Variants in COL24A1 observed in about 807,000 individuals in gnomAD.
COL24A1 encodes the protein collagen alpha-1(XXIV) chain.
COL24A1 carries 224 observed loss-of-function variants against 253.9 expected under a neutral mutation model. That is an observed-to-expected ratio of 0.88 (90% CI 0.79 to 0.99). The LOEUF (loss-of-function observed/expected upper bound fraction) is 0.99, where lower values mean the gene tolerates loss of function less well. Among genes scored for constraint, COL24A1 ranks in the 50% least tolerant of loss-of-function variants. The pLI is 0.00. For missense variants in COL24A1, 2,131 were observed against 2,068.5 expected, an observed-to-expected ratio of 1.03 and a Z score of -0.59; for synonymous variants, 685 against 673.7, an observed-to-expected ratio of 1.02 and a Z score of -0.26.
At chr1:85,974,196 A>C (rs1692440262) in intron 20 of COL24A1, among the ~76,000 whole-genome samples, 1 of 152,164 alleles carries the variant, frequency 6.6e-6, no homozygotes, top group African/African-American at 2.4e-5. Context: ...ACAAGAACAG[A>C]GAAAACTTAA....
chr1:85,789,543 C>G (rs879246986), intron 47 of COL24A1, among the ~76,000 whole-genome samples: 3 of 151,372 alleles, frequency 2.0e-5, no homozygotes, highest in Non-Finnish European at 3.0e-5. Flanking sequence ...ATTTGAATAC[C>G]CTTTCTCTTG....
intron 43 of COL24A1, among the ~76,000 whole-genome samples, chr1:85,836,021 G>GA (rs1418045785): frequency 1.3e-5 from 2 of 152,114 alleles, no homozygotes; most frequent in Non-Finnish European, 1.5e-5. Flanking sequence ...CTCCAAAAAC[G>GA]AAGGGACACA....
At position 85,911,422 on chromosome 1, in the gene COL24A1, G is replaced by A. The variant is rs770739152; in HGVS notation, c.2574C>T (p.Gly858=). The change falls in exon 25 of 60, where the codon GGC becomes GGT. Residue 858 remains glycine, a synonymous_variant. Coordinates refer to ENST00000370571, the MANE Select transcript of COL24A1 (RefSeq NM_152890.7). ...IGKIGETGPV[G]LPGEVGMTGS... ...CAGTCATCCCAACTTCTCCAGGTAAGCCAACAGGTCCCTTTTAGGAAAAAA... is the reference window on the plus strand; with the variant it reads ...CAGTCATCCCAACTTCTCCAGGTAAACCAACAGGTCCCTTTTAGGAAAAAA... The A allele has an allele frequency of 1.9e-6, 3 of 1,612,078 alleles. No individual in the cohort carries two copies. Among genetic ancestry groups the A allele is most frequent in the South Asian group, 2.2e-5 (2 of 90,800 alleles).
intron 18 of COL24A1, 78 bp from the exon 19 acceptor site, chr1:86,017,282 A>C (rs769324221): frequency 8.3e-7 from 1 of 1,199,690 alleles, no homozygotes; most frequent in Non-Finnish European, 1.1e-6. Flanking sequence ...GCATATGGTA[A>C]ACAAATAGCA....
intron 19 of COL24A1, among the ~76,000 whole-genome samples, chr1:86,005,167 A>G (rs1695820792): frequency 1.3e-5 from 2 of 152,200 alleles, no homozygotes; most frequent in Non-Finnish European, 1.5e-5. Flanking sequence ...CATCCTATTA[A>G]CACAGTCAGA....
intron 20 of COL24A1, among the ~76,000 whole-genome samples, chr1:85,975,270 C>A (rs1258458859): frequency 6.6e-6 from 1 of 151,936 alleles, no homozygotes; most frequent in Non-Finnish European, 1.5e-5. Context: ...AGTATATATA[C>A]CAAAGAAAGA....
At position 85,786,342 on chromosome 1, in the gene COL24A1, A is replaced by G. The variant is rs12746325; in HGVS notation, c.4059+12T>C. 0.44 allele frequency: 710,690 copies of G among 1,610,976 alleles called. 164,842 individuals carry two copies. The highest frequency in any genetic ancestry group is 0.48 in the Non-Finnish European group (570,812 of 1,177,800). ...AATACTGCTTACCCATTGGAACAAA[A>G]TATTAAAGTACCTTTGGGCCTTGAA... On this transcript the variant is annotated intron_variant, in intron 48 of 59. Transcript: ENST00000370571.
chr1:85,762,404 C>T (rs1666931238), intron 53 of COL24A1, among the ~76,000 whole-genome samples: 1 of 152,154 alleles, frequency 6.6e-6, no homozygotes, highest in Non-Finnish European at 1.5e-5. Context: ...GATCAGAGTA[C>T]TCCAACACTG....
At chr1:85,788,677 AG>A (rs1180157819) in intron 47 of COL24A1, among the ~76,000 whole-genome samples, 3 of 152,280 alleles carry the variant, frequency 2.0e-5, no homozygotes, top group Non-Finnish European at 2.9e-5. Context: ...ATTTTCTTCT[AG>A]GGTTTTTATA....
chr1:85,892,838 T>A (rs566976252), intron 31 of COL24A1, among the ~76,000 whole-genome samples: 1 of 152,112 alleles, frequency 6.6e-6, no homozygotes, highest in South Asian at 2.1e-4. Flanking sequence ...TGACCTAGAA[T>A]AACCATGGAA....
chr1:85,776,970 A>G (rs953713370), intron 52 of COL24A1, among the ~76,000 whole-genome samples: 10 of 149,734 alleles, frequency 6.7e-5, no homozygotes, highest in African/African-American at 2.5e-4. Context: ...TTTTTTTTTG[A>G]GAAGGAGTCT....
At chr1:85,831,173 A>G (rs1402448159) in intron 43 of COL24A1, among the ~76,000 whole-genome samples, 1 of 152,122 alleles carries the variant, frequency 6.6e-6, no homozygotes, top group East Asian at 1.9e-4. Context: ...AAACATGAGC[A>G]GAGCCAGCAA....
intron 10 of COL24A1, among the ~76,000 whole-genome samples, chr1:86,055,397 C>G (rs1700595485): frequency 6.6e-6 from 1 of 152,062 alleles, no homozygotes; most frequent in Non-Finnish European, 1.5e-5. Flanking sequence ...GAAAACTTAA[C>G]TAAAAGTACA....
intron 2 of COL24A1, among the ~76,000 whole-genome samples, chr1:86,134,723 A>G (rs1649933655): frequency 3.9e-5 from 1 of 25,740 alleles, no homozygotes; most frequent in Non-Finnish European, 1.2e-4. Flanking sequence ...ACAATTTGTT[A>G]TAATTTTTGT....
chr1:86,124,898 T>A lies in COL24A1; in HGVS notation c.1438A>T (p.Thr480Ser). ...CTCAGATACTCCATTTCAAGCATTG[T>A]ATTTAGATCCTCATAATAATAATAA... ...YDYYYYEDLN[T>S]MLEMEYLRGP... Residue 480 changes from threonine to serine, a missense_variant, in exon 3 of 60, where the codon ACA becomes TCA. By Grantham distance (58) the Thr-to-Ser change is moderately conservative. Transcript: ENST00000370571. 6.2e-7 allele frequency: 1 copy of A among 1,607,166 alleles called. No homozygotes were observed. The highest frequency in any genetic ancestry group is 8.5e-7 in the Non-Finnish European group (1 of 1,177,848).
intron 51 of COL24A1, 97 bp downstream of exon 51, chr1:85,783,399 A>G (rs763759098): frequency 1.6e-5 from 15 of 942,194 alleles, no homozygotes; most frequent in Non-Finnish European, 2.1e-5. Flanking sequence ...TCATTTCATT[A>G]AGTTATTTAC....
chr1:85,762,827 C>T (rs547461066), intron 53 of COL24A1, among the ~76,000 whole-genome samples: 4 of 152,224 alleles, frequency 2.6e-5, no homozygotes, highest in Non-Finnish European at 4.4e-5. Flanking sequence ...CATATGTTAC[C>T]TTTGACTTCA....
intron 37 of COL24A1, among the ~76,000 whole-genome samples, chr1:85,853,983 C>T (rs1032698590): frequency 3.9e-5 from 6 of 151,986 alleles, no homozygotes; most frequent in Non-Finnish European, 7.4e-5. Flanking sequence ...GTTCATTTGT[C>T]AAGTTTTGTT....
chr1:85,921,074 G>A (rs1008149034), intron 24 of COL24A1, among the ~76,000 whole-genome samples: 9 of 152,174 alleles, frequency 5.9e-5, no homozygotes, highest in East Asian at 1.9e-4. Context: ...TCATCTCATT[G>A]GGACTGGTTG....
Sources: allele counts gnomAD v4.1 joint callset (sites outside exome capture counted in the v4.1 genomes callset), GRCh38; gene constraint gnomAD v4.1.1; transcripts MANE v1.5; gene names NCBI Gene and HGNC (gene_info 2026-07-23, HGNC 2026-07-21).